CCDC25: variants seen among roughly 807,000 people sequenced by gnomAD.
CCDC25 encodes coiled-coil domain containing 25, also known as coiled-coil domain-containing protein 25.
Under a neutral mutation model 35.3 loss-of-function variants are expected in CCDC25, and 16 were observed. The ratio of observed to expected loss-of-function variants is 0.45; its 90% CI spans 0.31 to 0.69. The LOEUF (loss-of-function observed/expected upper bound fraction) is 0.69. Among genes scored for constraint, CCDC25 ranks in the 30% least tolerant of loss-of-function variants. The pLI, the probability that CCDC25 is intolerant of heterozygous loss-of-function variation, is 0.06. For missense variants in CCDC25, 179 were observed against 250.7 expected, an observed-to-expected ratio of 0.71 and a Z score of 1.93; for synonymous variants, 79 against 80.3, an observed-to-expected ratio of 0.98 and a Z score of 0.09.
chr8:27,768,744 G>T (rs1563461936), intron 1 of CCDC25, among the ~76,000 whole-genome samples: 1 of 152,184 alleles, frequency 6.6e-6, no homozygotes, highest in Non-Finnish European at 1.5e-5. Context: ...TTATTTGGAA[G>T]ACACTTGACT....
intron 1 of CCDC25, among the ~76,000 whole-genome samples, chr8:27,771,289 T>C (rs962447000): frequency 2.0e-5 from 3 of 152,010 alleles, no homozygotes; most frequent in Non-Finnish European, 4.4e-5. Context: ...ATACCACAGG[T>C]TTAAGTATAC....
chr8:27,762,240 AC>A, intron 3 of CCDC25, among the ~76,000 whole-genome samples, 178 bp downstream of exon 3: 1 of 152,320 alleles, frequency 6.6e-6, no homozygotes, highest in Middle Eastern at 3.4e-3. Flanking sequence ...CTGAGATCAA[AC>A]CCAAAAACAT....
intron 3 of CCDC25, among the ~76,000 whole-genome samples, chr8:27,761,322 T>A (rs1028516676): frequency 1.3e-5 from 2 of 152,128 alleles, no homozygotes; most frequent in Non-Finnish European, 2.9e-5. Context: ...AAGCAGTGAC[T>A]TAGAACCAGA....
At chr8:27,758,819 T>C (rs1804109623) in intron 3 of CCDC25, among the ~76,000 whole-genome samples, 1 of 152,210 alleles carries the variant, frequency 6.6e-6, no homozygotes, top group African/African-American at 2.4e-5. Context: ...TAATTCAATA[T>C]ATATTTAATG....
intron 1 of CCDC25, among the ~76,000 whole-genome samples, chr8:27,767,979 A>T (rs1181507494): frequency 6.6e-6 from 1 of 152,030 alleles, no homozygotes; most frequent in African/African-American, 2.4e-5. Flanking sequence ...AGGCAGGTGG[A>T]TTACTTGGGC....
intron 7 of CCDC25, among the ~76,000 whole-genome samples, chr8:27,747,315 GT>G (rs1260855936): frequency 6.6e-6 from 1 of 152,188 alleles, no homozygotes; most frequent in East Asian, 1.9e-4. Flanking sequence ...ACAGGGGGCT[GT>G]GACCATGGAA....
Position 27,742,822 on chromosome 8 carries a change from G to A in CCDC25, c.552-2305C>T, listed in dbSNP as rs544615660. ...GTGGAGGTTGCAGTGAGCCGAGATCGTGCCACTGCACTCCAGCCTGGGCAA... is the reference window on the plus strand; with the variant it reads ...GTGGAGGTTGCAGTGAGCCGAGATCATGCCACTGCACTCCAGCCTGGGCAA... On this transcript the variant is annotated intron_variant, in intron 7 of 8. Transcript: ENST00000356537. Among the ~76,000 whole-genome samples the A allele has an allele frequency of 6.2e-4, 95 of 152,288 alleles. 1 individual carries two copies. Among genetic ancestry groups the A allele is most frequent in the Admixed American group, 5.7e-3 (87 of 15,300 alleles).
At chr8:27,755,997 G>C (rs1311390009) in intron 4 of CCDC25, among the ~76,000 whole-genome samples, 1 of 152,156 alleles carries the variant, frequency 6.6e-6, no homozygotes, top group Non-Finnish European at 1.5e-5. Context: ...AAAGTCCAGA[G>C]TTTAGGTGAC....
chr8:27,744,558 A>T (rs1803543843), intron 7 of CCDC25, among the ~76,000 whole-genome samples: 1 of 152,236 alleles, frequency 6.6e-6, no homozygotes, highest in African/African-American at 2.4e-5. Flanking sequence ...TTCCTCTCCT[A>T]CATGTTACTT....
intron 7 of CCDC25, among the ~76,000 whole-genome samples, chr8:27,747,308 G>C (rs1202229562): frequency 4.6e-5 from 7 of 152,188 alleles, no homozygotes; most frequent in Non-Finnish European, 7.3e-5. Context: ...TGGTCAGACA[G>C]GGGGCTGTGA....
intron 8 of CCDC25, among the ~76,000 whole-genome samples, chr8:27,736,701 C>T (rs978676714): frequency 2.6e-5 from 4 of 152,246 alleles, no homozygotes; most frequent in African/African-American, 9.6e-5. Flanking sequence ...GACTTCACAA[C>T]ATGGCTTTGA....
rs189222052 is a variant in CCDC25 at position 27,744,896 on chromosome 8, A to G, written c.551+3181T>C. 9.8e-5 allele frequency among the ~76,000 whole-genome samples: 15 copies of G among 152,336 alleles called. No homozygotes were observed. The East Asian group carries it at 2.9e-3, about 29-fold the overall frequency. ...AAAATCAAGTTCATGTCAATGTTCA[A>G]ATTGATGATATATTTACTGACTTAC... On this transcript the variant is annotated intron_variant, in intron 7 of 8. Coordinates refer to ENST00000356537, the MANE Select transcript of CCDC25 (RefSeq NM_018246.3).
At chr8:27,752,242 A>G (rs1803836499) in intron 5 of CCDC25, among the ~76,000 whole-genome samples, 1 of 152,230 alleles carries the variant, frequency 6.6e-6, no homozygotes, top group African/African-American at 2.4e-5. Flanking sequence ...AGACAGATCT[A>G]GACAACCTTC....
chr8:27,752,300 G>C (rs4732743), intron 5 of CCDC25, among the ~76,000 whole-genome samples: 130,706 of 152,164 alleles, frequency 0.86, 56,409 homozygotes, highest in Non-Finnish European at 0.9. Flanking sequence ...TAGACAGGAC[G>C]GTCAAAATGA....
At chr8:27,749,968 A>G (rs1803737847) in intron 5 of CCDC25, among the ~76,000 whole-genome samples, 1 of 152,236 alleles carries the variant, frequency 6.6e-6, no homozygotes, top group Non-Finnish European at 1.5e-5. Flanking sequence ...TAGCTGTACT[A>G]TTCTTGCAAC....
In CCDC25 at chr8:27,740,508, T is replaced by C. The variant is rs1318391632; in HGVS notation, c.561A>G (p.Ser187=). 9.4e-6 allele frequency: 15 copies of C among 1,600,364 alleles called. No homozygotes were observed. Among genetic ancestry groups the C allele is most frequent in the Non-Finnish European group, 1.2e-5 (14 of 1,174,010 alleles). ...ACATATTTTCAACTTTCATTAGTGA[T>C]GAATAGCTCCTAGAAGGAAAAAAAC... The part of the protein sequence containing the change: ...KREMDELRSY[S]SLMKVENMSS... Residue 187 remains serine, a synonymous_variant, in exon 8 of 9, where the codon TCA becomes TCG. Coordinates refer to ENST00000356537, the MANE Select transcript of CCDC25 (RefSeq NM_018246.3).
intron 5 of CCDC25, among the ~76,000 whole-genome samples, chr8:27,752,143 T>C (rs1217669273): frequency 1.3e-5 from 2 of 152,294 alleles, no homozygotes; most frequent in Admixed American, 6.5e-5. Context: ...TCAAACAACA[T>C]TAAAAATAAA....
At chr8:27,753,592 T>A (rs1033197431) in intron 4 of CCDC25, among the ~76,000 whole-genome samples, 1 of 152,266 alleles carries the variant, frequency 6.6e-6, no homozygotes, top group South Asian at 2.1e-4. Flanking sequence ...CAAAAGAAAG[T>A]GAAATTGAAC....
chr8:27,756,414 A>G, intron 4 of CCDC25: 1 of 258,924 alleles, frequency 3.9e-6, no homozygotes, highest in East Asian at 9.0e-5. Context: ...GGAGACAGAA[A>G]GTCTGGGAGT....
Sources: allele counts gnomAD v4.1 joint callset (sites outside exome capture counted in the v4.1 genomes callset), GRCh38; gene constraint gnomAD v4.1.1; transcripts MANE v1.5; gene names NCBI Gene and HGNC (gene_info 2026-07-23, HGNC 2026-07-21).